Variants in EP300 observed in about 807,000 individuals in gnomAD.
EP300 encodes histone acetyltransferase p300.
In EP300, 31 loss-of-function variants were observed where a neutral mutation model predicts 264.0. The observed-to-expected ratio is 0.12, with a 90% CI of 0.09 to 0.16. The LOEUF is 0.16. Ranked by LOEUF, EP300 falls within the 10% of genes least tolerant of loss-of-function variation. The pLI is 1.00. For missense variants in EP300, 2,766 were observed against 3,052.9 expected (o/e 0.91, Z 2.21); for synonymous variants, 1,340 against 1,045.4 (o/e 1.28, Z -5.44).
rs1303397164 is a variant in EP300, at chr22:41,172,657, C to T, written c.4611C>T (p.Ser1537=). ...GAGAGGAAAACACCAGCAATGAAAG[C>T]ACAGATGTAAGGGCATTGAGTTTCC... The part of the protein sequence containing the change: ...RKREENTSNE[S]TDVTKGDSKN... Residue 1537 remains serine (S), a synonymous_variant, in exon 28 of 31, where the codon AGC becomes AGT. Transcript: ENST00000263253. The T allele has an allele frequency of 6.2e-7, 1 of 1,612,654 alleles. No homozygotes were observed. Among genetic ancestry groups the T allele is most frequent in the Non-Finnish European group, 8.5e-7 (1 of 1,179,124 alleles).
rs1160165961 is a variant in EP300, at chr22:41,152,236, A to G, written c.3028A>G (p.Thr1010Ala). The G allele has an allele frequency of 6.2e-7, 1 of 1,614,152 alleles. No homozygotes were observed. The highest frequency in any genetic ancestry group is 8.5e-7 in the Non-Finnish European group (1 of 1,179,990). The stretch of plus-strand genomic sequence containing the variant: ...AGTGGAAGACTGTAAAATGGAATCT[A>G]CCGAAACAGAAGAGAGAAGCACTGA... ...SKVEDCKMES[T>A]ETEERSTELK... Residue 1010 changes from threonine (T) to alanine (A), a missense_variant, in exon 16 of 31, where the codon ACC (threonine) becomes GCC (alanine). Coordinates refer to ENST00000263253, the MANE Select transcript of EP300 (RefSeq NM_001429.4).
chr22:41,109,253 C>CAAAAAAAAAAAAA (rs71328769), intron 1 of EP300, among the ~76,000 whole-genome samples: 1 of 116,426 alleles, frequency 8.6e-6, no homozygotes. Flanking sequence ...GACCCTGTCT[C>CAAAAAAAAAAAAA]AAAAAAAAAA....
intron 19 of EP300, 120 bp downstream of exon 19, chr22:41,158,620 A>G (rs1458025989): frequency 3.8e-6 from 3 of 799,490 alleles, no homozygotes; most frequent in Non-Finnish European, 6.3e-6. Context: ...ACAGCTGTAT[A>G]GCACAAGTTC....
chr22:41,137,072 A>G (rs2058955191), intron 7 of EP300, among the ~76,000 whole-genome samples: 1 of 151,720 alleles, frequency 6.6e-6, no homozygotes, highest in African/African-American at 2.4e-5. Context: ...GAAGGAAAAA[A>G]AAATGGCTGG....
At chr22:41,156,092 A>ACCTCCC (rs1158954851) in intron 17 of EP300, among the ~76,000 whole-genome samples, 1 of 150,680 alleles carries the variant, frequency 6.6e-6, no homozygotes, top group African/African-American at 2.4e-5. Context: ...GTTCACCTCA[A>ACCTCCC]CCTCCCCCTC....
At chr22:41,140,364 C>A in intron 9 of EP300, 107 bp downstream of exon 9, 2 of 820,862 alleles carry the variant, frequency 2.4e-6, no homozygotes, top group Admixed American at 3.4e-5. Flanking sequence ...ACGGGGGACA[C>A]GCTGTAGCTA....
chr22:41,130,719 C>T (rs967988716), intron 5 of EP300, among the ~76,000 whole-genome samples: 1 of 151,756 alleles, frequency 6.6e-6, no homozygotes, highest in African/African-American at 2.4e-5. Context: ...TTATACTATA[C>T]TTGTGATCTA....
intron 21 of EP300, among the ~76,000 whole-genome samples, chr22:41,163,523 G>T (rs929600335): frequency 1.3e-5 from 2 of 151,990 alleles, no homozygotes; most frequent in African/African-American, 4.8e-5. Flanking sequence ...GCCAAGGCAG[G>T]ATCACCCAAG....
At chr22:41,173,898 G>A in intron 29 of EP300, 114 bp downstream of exon 29, 1 of 1,264,900 alleles carries the variant, frequency 7.9e-7, no homozygotes, top group East Asian at 2.4e-5. Flanking sequence ...GATCACCTGA[G>A]GTCAGGAGTT....
intron 27 of EP300, among the ~76,000 whole-genome samples, chr22:41,171,344 T>C (rs2059169685): frequency 6.6e-6 from 1 of 151,826 alleles, no homozygotes; most frequent in South Asian, 2.1e-4. Flanking sequence ...GGGGTGTGGG[T>C]GTTTTGTTTT....
rs2059216829 is a variant in EP300 at position 41,178,462 on chromosome 22, G to A, written c.6751G>A (p.Ala2251Thr). Reference protein sequence around the residue: ...QIGQLPQALGAEAGASLQAYQ... With the variant: ...QIGQLPQALGTEAGASLQAYQ... ...AGGCCAGCTTCCCCAGGCCTTGGGA[G>A]CAGAGGCAGGTGCCAGTCTACAGGC... The change falls in exon 31 of 31, where the codon GCA becomes ACA. Residue 2251 changes from alanine (A) to threonine (T), a missense_variant. Physicochemically the swap from Ala to Thr is moderately conservative, Grantham distance 58. Transcript: ENST00000263253. 6.2e-7 allele frequency: 1 copy of A among 1,614,102 alleles called. No individual in the cohort carries two copies. Among genetic ancestry groups the A allele is most frequent in the Non-Finnish European group, 8.5e-7 (1 of 1,180,030 alleles).
intron 1 of EP300, among the ~76,000 whole-genome samples, chr22:41,096,812 T>G (rs1228349141): frequency 6.6e-6 from 1 of 152,060 alleles, no homozygotes; most frequent in Non-Finnish European, 1.5e-5. Flanking sequence ...GGAGACAGTA[T>G]TTCACCATTT....
At position 41,158,008 on chromosome 22, in the gene EP300, C is replaced by T. The variant is rs558045857; in HGVS notation, c.3502-404C>T. The stretch of plus-strand genomic sequence containing the variant: ...TCACCTGTGGGTGCAGATTCCTCAG[C>T]ATGTGCTGGCTTTCCTGTACATACC... On this transcript the variant is annotated intron_variant, in intron 18 of 30. Coordinates refer to ENST00000263253, the MANE Select transcript of EP300 (RefSeq NM_001429.4). Among the ~76,000 whole-genome samples the T allele has an allele frequency of 5.3e-5, 8 of 152,362 alleles. No individual in the cohort carries two copies. In the South Asian group the frequency reaches 1.7e-3, roughly 32 times the overall value.
intron 6 of EP300, among the ~76,000 whole-genome samples, chr22:41,133,152 T>TCCCCCCCCCCC (rs71821697): frequency 7.7e-5 from 5 of 65,060 alleles, no homozygotes; most frequent in East Asian, 6.3e-4. Context: ...CCTAAGATTA[T>TCCCCCCCCCCC]CCCCCCCCCC....
rs893948838 is a variant in EP300 at position 41,169,676 on chromosome 22, T to C, written c.4286+60T>C. The C allele has an allele frequency of 1.9e-5, 18 of 967,732 alleles. 1 individual carries two copies. The highest frequency in any genetic ancestry group is 3.9e-5 in the South Asian group (3 of 76,954). 59.9% of individuals were successfully genotyped at this position (967,732 alleles called of 1,614,324 possible). A position where few individuals can be genotyped will look rare whatever the true frequency, so the allele number is the denominator to read the frequency against. On this transcript the variant is annotated intron_variant, in intron 26 of 30. Coordinates refer to ENST00000263253, the MANE Select transcript of EP300 (RefSeq NM_001429.4). ...ACTAGCATGGCATTCTGGTGAGATA[T>C]AGGTTAAATATGCAAATATATAACT...
Position 41,117,345 on chromosome 22 carries a change from C to G in EP300, c.253C>G (p.Leu85Val). 6.2e-7 allele frequency: 1 copy of G among 1,614,174 alleles called. No individual in the cohort carries two copies. The change falls in exon 2 of 31, where the codon CTG (leucine) becomes GTG (valine). Residue 85 changes from leucine (L) to valine (V), a missense_variant. Coordinates refer to ENST00000263253, the MANE Select transcript of EP300 (RefSeq NM_001429.4). Reference sequence around the variant, plus strand: ...TAAACATAAACAGCTGTCAGAATTGCTGCGATCTGGTAGTTCCCCTAACCT... The same window carrying G: ...TAAACATAAACAGCTGTCAGAATTGGTGCGATCTGGTAGTTCCCCTAACCT... ...ASKHKQLSEL[L>V]RSGSSPNLNM... is the part of the protein sequence containing the mutation.
At chr22:41,117,875 T>TGATA in intron 2 of EP300, 54 bp downstream of exon 2, 2 of 1,611,292 alleles carry the variant, frequency 1.2e-6, no homozygotes, top group Non-Finnish European at 1.7e-6. Context: ...AGTATTGTCA[T>TGATA]GATGGATGGA....
chr22:41,152,014 TGAG>T lies in EP300; in HGVS notation c.2997+3_2997+5del. 2 of 1,614,044 alleles carry T rather than the reference TGAG, an allele frequency of 1.2e-6. No individual in the cohort carries two copies. The highest frequency in any genetic ancestry group is 4.5e-5 in the East Asian group (2 of 44,884). Reference sequence around the variant, plus strand: ...ACTCAGCCGGAGGATATTTCAGAGGTGAGAGTAGGGCAATTACTGTTTGATTTG... The same window carrying T: ...ACTCAGCCGGAGGATATTTCAGAGGTAGTAGGGCAATTACTGTTTGATTTG... On this transcript the variant is annotated splice_donor_5th_base_variant and intron_variant, in intron 15 of 30. Coordinates refer to ENST00000263253, the MANE Select transcript of EP300 (RefSeq NM_001429.4).
intron 1 of EP300, among the ~76,000 whole-genome samples, chr22:41,097,363 G>A (rs2058707901): frequency 6.6e-6 from 1 of 152,152 alleles, no homozygotes; most frequent in Non-Finnish European, 1.5e-5. Context: ...TGGATAATAG[G>A]GAGGAGGGAG....
Sources: gnomAD v4.1 joint callset for allele counts (sites outside exome capture counted in the v4.1 genomes callset) on GRCh38, gnomAD v4.1.1 for gene constraint, MANE v1.5 for transcripts, NCBI Gene and HGNC (gene_info 2026-07-23, HGNC 2026-07-21) for gene names.